Variants in USP35 observed in about 807,000 individuals in gnomAD.
The protein encoded by USP35 is ubiquitin specific peptidase 35.
USP35 carries 69 observed loss-of-function variants against 83.8 expected under a neutral mutation model. That is an observed-to-expected ratio of 0.82 (90% CI 0.68 to 1.01). The LOEUF is 1.01. Among genes scored for constraint, USP35 ranks in the 50% least tolerant of loss-of-function variants. The pLI, the probability that USP35 is intolerant of heterozygous loss-of-function variation, is 0.00. For missense variants in USP35, 1,503 were observed against 1,362.5 expected (o/e 1.10, Z -1.62); for synonymous variants, 714 against 589.5 (o/e 1.21, Z -3.06).
At position 78,213,815 on chromosome 11, in the gene USP35, G is replaced by A. The variant is rs927314747; in HGVS notation, c.*2G>A. On this transcript the variant is annotated 3_prime_UTR_variant, in exon 11 of 11. Transcript: ENST00000529308. ...GACTTCCACAGACTGGTCTTCTAAT[G>A]TGAACCTGCTGCCAACCTGACCCCT... 1 of 1,553,050 alleles carries A rather than the reference G, an allele frequency of 6.4e-7. No homozygotes were observed. The highest frequency in any genetic ancestry group is 2.2e-5 in the Admixed American group (1 of 46,226).
In USP35 at chr11:78,214,384, G is replaced by GCA. The variant is rs1555090299; in HGVS notation, c.*571_*572insCA. The stretch of plus-strand genomic sequence containing the variant: ...AAGCGCCACTGCATGGTTTTGGGGG[G>GCA]GGGGGCGGGGGGCTAGCTTCTCACA... On this transcript the variant is annotated 3_prime_UTR_variant, in exon 11 of 11. Coordinates refer to ENST00000529308, the MANE Select transcript of USP35 (RefSeq NM_020798.4). 2.9e-4 allele frequency: 37 copies of GCA among 129,044 alleles called. 1 individual carries two copies. Among genetic ancestry groups the GCA allele is most frequent in the Admixed American group, 2.5e-3 (34 of 13,552 alleles). 8.0% of individuals were successfully genotyped at this position (129,044 alleles called of 1,614,324 possible).
Position 78,210,693 on chromosome 11 carries a change from G to A in USP35, c.2838G>A (p.Leu946=). The A allele has an allele frequency of 1.3e-6, 2 of 1,594,328 alleles. No individual in the cohort carries two copies. The highest frequency in any genetic ancestry group is 8.6e-7 in the Non-Finnish European group (1 of 1,169,252). ...GSSRVRTEPT[L]HKDLMEAISK... is the part of the protein sequence containing the mutation. The stretch of plus-strand genomic sequence containing the variant: ...CTAGAGTCCGGACAGAGCCCACCCT[G>A]CACAAGGACTTGATGGAAGCCATTT... The change falls in exon 10 of 11, where the codon CTG becomes CTA. Residue 946 remains leucine (L), a synonymous_variant. Coordinates refer to ENST00000529308, the MANE Select transcript of USP35 (RefSeq NM_020798.4).
intron 7 of USP35, among the ~76,000 whole-genome samples, chr11:78,206,716 C>T (rs959873330): frequency 6.6e-6 from 1 of 152,184 alleles, no homozygotes; most frequent in Non-Finnish European, 1.5e-5. Flanking sequence ...AAAACGGTCA[C>T]GTGCTTGTAT....
At chr11:78,220,510 CA>C in the USP35 span, 1 of 1,419,128 alleles carries the variant, frequency 7.0e-7, no homozygotes, top group South Asian at 1.4e-5. Context: ...CCCAGAAAAA[CA>C]CCTCTGGGAG....
At chr11:78,205,142 G>A (rs1454681058) in intron 6 of USP35, among the ~76,000 whole-genome samples, 1 of 152,208 alleles carries the variant, frequency 6.6e-6, no homozygotes, top group East Asian at 1.9e-4. Flanking sequence ...GCTGTTTGAT[G>A]TGACACAGAT....
Position 78,210,767 on chromosome 11 carries a change from T to C in USP35, c.2889+23T>C, listed in dbSNP as rs1049229944. On this transcript the variant is annotated intron_variant, in intron 10 of 10. Transcript: ENST00000529308. ...CAGGTGAGCTGAGCCGTGGGGCCTT[T>C]GATCTGATCTCTTGGTGGAGGGAGT... is the stretch of plus-strand genomic sequence containing the variant. 3 of 1,508,582 alleles carry C rather than the reference T, an allele frequency of 2.0e-6. No homozygotes were observed. In the African/African-American group the frequency reaches 4.2e-5, roughly 21 times the overall value. The allele number at this position is 1,508,582 out of a possible 1,614,324, so 93.4% of individuals were successfully genotyped here.
At chr11:78,233,001 A>G in the USP35 span, among the ~76,000 whole-genome samples, 1 of 151,590 alleles carries the variant, frequency 6.6e-6, no homozygotes, top group Admixed American at 6.6e-5. Flanking sequence ...CACAGGATTA[A>G]AGTCTATTCA....
rs370057841 is a variant in USP35, at chr11:78,210,564, C to T, written c.2709C>T (p.Phe903=). The change falls in exon 10 of 11, where the codon TTC becomes TTT. Residue 903 remains phenylalanine, a synonymous_variant. Transcript: ENST00000529308. ...FNDTRVSFSS[F]ESVSNVTSFF... ...ACACTCGGGTGTCCTTCTCTTCCTT[C>T]GAATCTGTCAGCAACGTCACCTCCT... 1.3e-4 allele frequency: 203 copies of T among 1,613,124 alleles called. No homozygotes were observed. Among genetic ancestry groups the T allele is most frequent in the Admixed American group, 6.3e-4 (38 of 60,002 alleles).
the USP35 span, among the ~76,000 whole-genome samples, chr11:78,220,720 T>C: frequency 6.6e-6 from 1 of 152,184 alleles, no homozygotes; most frequent in African/African-American, 2.4e-5. Flanking sequence ...TGTTGAGTGA[T>C]GGGAATCAGG....
the USP35 span, among the ~76,000 whole-genome samples, chr11:78,236,913 C>T: frequency 9.2e-5 from 14 of 152,196 alleles, no homozygotes; most frequent in South Asian, 1.7e-3. Context: ...TATAGATATA[C>T]ACACATACGT....
chr11:78,208,819 C>T (rs752547453), intron 8 of USP35, 38 bp from the exon 9 acceptor site: 3 of 1,610,874 alleles, frequency 1.9e-6, no homozygotes, highest in African/African-American at 1.3e-5. Context: ...TGAGTGGCCT[C>T]CTGCTCCTGA....
At chr11:78,208,728 G>A in intron 8 of USP35, 129 bp from the exon 9 acceptor site, 1 of 951,266 alleles carries the variant, frequency 1.1e-6, no homozygotes, top group South Asian at 1.5e-5. Flanking sequence ...AAGCGGGGAG[G>A]ACCTCATGGA....
chr11:78,209,722 G>A lies in USP35; in HGVS notation c.1867G>A (p.Ala623Thr). The change falls in exon 10 of 11, where the codon GCC becomes ACC. Residue 623 changes from alanine to threonine, a missense_variant. Ala to Thr is a moderately conservative substitution (Grantham distance 58, BLOSUM62 0). Transcript: ENST00000529308. ...GATGCGCCCCACAGAAGACATCACAGCCCGGGAGTTGCCCCCACCAACCAG... is the reference window on the plus strand; with the variant it reads ...GATGCGCCCCACAGAAGACATCACAACCCGGGAGTTGCCCCCACCAACCAG... Reference protein sequence around the residue: ...SVMRPTEDITARELPPPTSAQ... With the variant: ...SVMRPTEDITTRELPPPTSAQ... The A allele has an allele frequency of 6.2e-7, 1 of 1,614,106 alleles. No homozygotes were observed. Among genetic ancestry groups the A allele is most frequent in the Admixed American group, 1.7e-5 (1 of 60,022 alleles).
intron 1 of USP35, among the ~76,000 whole-genome samples, chr11:78,191,172 C>T (rs1304735415): frequency 1.3e-5 from 2 of 152,172 alleles, no homozygotes; most frequent in African/African-American, 2.4e-5. Flanking sequence ...CACATACACA[C>T]ACACACACAG....
In USP35 at chr11:78,214,619, G is replaced by GC. The variant is rs1460503494; in HGVS notation, c.*809dup. The GC allele has an allele frequency of 6.6e-6, 1 of 152,258 alleles. No individual in the cohort carries two copies. The highest frequency in any genetic ancestry group is 1.5e-5 in the Non-Finnish European group (1 of 68,056). The allele number at this position is 152,258 out of a possible 1,614,324, so 9.4% of individuals were successfully genotyped here. ...CAGCCACCTGCAGGTTGGGTGAAGTGCCCTGACACTGCTGTAGCCCCCTTC... is the reference window on the plus strand; with the variant it reads ...CAGCCACCTGCAGGTTGGGTGAAGTGCCCCTGACACTGCTGTAGCCCCCTTC... On this transcript the variant is annotated 3_prime_UTR_variant, in exon 11 of 11. Transcript: ENST00000529308.
chr11:78,199,607 G>T lies in USP35; in HGVS notation c.819G>T (p.Trp273Cys). The T allele has an allele frequency of 1.2e-6, 2 of 1,614,186 alleles. No homozygotes were observed. Among genetic ancestry groups the T allele is most frequent in the East Asian group, 2.2e-5 (1 of 44,880 alleles). ...MLTAISRMID[W>C]VSWPLGKNID... ...CTCCCCTCACCAGGATGATTGACTG[G>T]GTGTCCTGGCCCCTGGGGAAGAATA... The change falls in exon 4 of 11, where the codon TGG becomes TGT. Residue 273 changes from tryptophan (W) to cysteine (C), a missense_variant. Trp to Cys is a radical substitution (Grantham distance 215). Transcript: ENST00000529308.
chr11:78,222,455 A>G, the USP35 span, among the ~76,000 whole-genome samples: 2 of 151,520 alleles, frequency 1.3e-5, no homozygotes, highest in Non-Finnish European at 2.9e-5. Flanking sequence ...GTGGGGACAC[A>G]GGGTTTGACA....
At chr11:78,234,915 C>T in the USP35 span, among the ~76,000 whole-genome samples, 6 of 151,874 alleles carry the variant, frequency 4.0e-5, no homozygotes, top group Admixed American at 1.3e-4. Flanking sequence ...GAGGCTGAGG[C>T]AGGAGAATTG....
Position 78,209,768 on chromosome 11 carries a change from TGG to T in USP35, c.1915_1916del (p.Gly639SerfsTer89). Reference sequence around the variant, plus strand: ...ACCAGTGCACAGGGGCCAGGCAGGGTGGGTCCTCGGAGGCAAAGGAAACACTG... The same window carrying T: ...ACCAGTGCACAGGGGCCAGGCAGGGTGTCCTCGGAGGCAAAGGAAACACTG... On this transcript the variant is annotated frameshift_variant, in exon 10 of 11. Transcript: ENST00000529308. LOFTEE classifies it high-confidence loss of function. 3.7e-6 allele frequency: 6 copies of T among 1,613,516 alleles called. No individual in the cohort carries two copies. Among genetic ancestry groups the T allele is most frequent in the Non-Finnish European group, 5.1e-6 (6 of 1,179,874 alleles).
Sources: allele counts gnomAD v4.1 joint callset (sites outside exome capture counted in the v4.1 genomes callset), GRCh38; gene constraint gnomAD v4.1.1; transcripts MANE v1.5; gene names NCBI Gene and HGNC (gene_info 2026-07-23, HGNC 2026-07-21).